Variants in LRMDA observed in about 807,000 individuals in gnomAD.
The protein encoded by LRMDA is leucine-rich melanocyte differentiation-associated protein.
Under a neutral mutation model 29.8 loss-of-function variants are expected in LRMDA, and 18 were observed. The ratio of observed to expected loss-of-function variants is 0.60; its 90% CI spans 0.42 to 0.90. The LOEUF is 0.90. Among genes scored for constraint, LRMDA ranks in the 40% least tolerant of loss-of-function variants. The pLI, the probability that LRMDA is intolerant of heterozygous loss-of-function variation, is 0.00. For missense variants in LRMDA, 273 were observed against 273.9 expected, an observed-to-expected ratio of 1.00 and a Z score of 0.02; for synonymous variants, 125 against 109.4, an observed-to-expected ratio of 1.14 and a Z score of -0.89.
Position 75,660,231 on chromosome 10 carries a change from C to T in LRMDA, c.131+221737C>T, listed in dbSNP as rs1841733984. Reference sequence around the variant, plus strand: ...CTACTCTTAACATCTTTTGATGTCCCTTCCCTGCTGACTCTATTTTTTCTT... The same window carrying T: ...CTACTCTTAACATCTTTTGATGTCCTTTCCCTGCTGACTCTATTTTTTCTT... On this transcript the variant is annotated intron_variant, in intron 2 of 6. Transcript: ENST00000611255. 2.0e-5 allele frequency among the ~76,000 whole-genome samples: 3 copies of T among 152,352 alleles called. No homozygotes were observed. In the South Asian group the frequency reaches 6.2e-4, roughly 32 times the overall value.
intron 2 of LRMDA, among the ~76,000 whole-genome samples, chr10:75,698,823 G>A (rs747195759): frequency 6.6e-6 from 1 of 152,266 alleles, no homozygotes; most frequent in East Asian, 1.9e-4. Flanking sequence ...TTTCTACAGA[G>A]GTTCCTCAAT....
intron 2 of LRMDA, among the ~76,000 whole-genome samples, chr10:75,517,116 T>C (rs1366272952): frequency 6.6e-6 from 1 of 152,124 alleles, no homozygotes; most frequent in African/African-American, 2.4e-5. Flanking sequence ...TGTAGTATAG[T>C]TTGAAGTCAG....
intron 2 of LRMDA, among the ~76,000 whole-genome samples, chr10:75,648,472 T>C (rs1022189194): frequency 6.6e-6 from 1 of 152,172 alleles, no homozygotes; most frequent in African/African-American, 2.4e-5. Context: ...GGGGCTCTTA[T>C]AGGAAATTTA....
rs11001653 is a variant in LRMDA, at chr10:76,167,356, T to C, written c.516+108573T>C. Among the ~76,000 whole-genome samples, 973 of 152,340 alleles carry C rather than the reference T, an allele frequency of 6.4e-3. 10 individuals carry two copies. Among genetic ancestry groups the C allele is most frequent in the African/African-American group, 0.022 (897 of 41,588 alleles). On this transcript the variant is annotated intron_variant, in intron 5 of 6. Coordinates refer to ENST00000611255, the MANE Select transcript of LRMDA (RefSeq NM_001305581.2). ...TTTTTGCTTTTGTTGCAATTGCTTT[T>C]GGCATCTTTGTCATGAAATCTTTGC...
intron 2 of LRMDA, among the ~76,000 whole-genome samples, chr10:75,940,830 G>A (rs1445310494): frequency 6.6e-6 from 1 of 151,900 alleles, no homozygotes; most frequent in Middle Eastern, 3.2e-3. Context: ...ATAGTCTGGG[G>A]TTTGATCTAA....
At chr10:76,340,887 T>C (rs1841033840) in intron 6 of LRMDA, among the ~76,000 whole-genome samples, 1 of 152,128 alleles carries the variant, frequency 6.6e-6, no homozygotes, top group Non-Finnish European at 1.5e-5. Context: ...TAATAAGTAT[T>C]TTAGGGATTG....
intron 2 of LRMDA, among the ~76,000 whole-genome samples, chr10:75,509,438 G>T (rs1845203078): frequency 6.6e-6 from 1 of 152,132 alleles, no homozygotes; most frequent in African/African-American, 2.4e-5. Context: ...ATATTATTTA[G>T]TCTTCTACTT....
intron 2 of LRMDA, among the ~76,000 whole-genome samples, chr10:75,456,330 C>G (rs1844517414): frequency 6.6e-6 from 1 of 152,262 alleles, no homozygotes. Flanking sequence ...CAGCAAGGCC[C>G]TGTGGGCTGG....
At chr10:76,240,909 C>A (rs575972303) in intron 5 of LRMDA, among the ~76,000 whole-genome samples, 2 of 149,532 alleles carry the variant, frequency 1.3e-5, no homozygotes, top group African/African-American at 4.9e-5. Flanking sequence ...TACACACACA[C>A]CCCATGGAAT....
intron 2 of LRMDA, among the ~76,000 whole-genome samples, chr10:75,978,287 C>A (rs1455412570): frequency 1.3e-5 from 2 of 152,310 alleles, no homozygotes; most frequent in African/African-American, 4.8e-5. Flanking sequence ...TCATGAGGAA[C>A]CCTGGTTCCC....
chr10:76,126,804 C>T (rs1849891938), intron 5 of LRMDA, among the ~76,000 whole-genome samples: 1 of 152,174 alleles, frequency 6.6e-6, no homozygotes, highest in South Asian at 2.1e-4. Flanking sequence ...CACAAGAGAG[C>T]TGTGGTTATG....
At chr10:76,419,539 G>T (rs1842052242) in intron 6 of LRMDA, among the ~76,000 whole-genome samples, 1 of 152,150 alleles carries the variant, frequency 6.6e-6, no homozygotes, top group Non-Finnish European at 1.5e-5. Flanking sequence ...TCTGTGTGCA[G>T]GTTTTTGTGT....
chr10:76,115,929 A>G (rs1033320469), intron 5 of LRMDA, among the ~76,000 whole-genome samples: 14 of 152,112 alleles, frequency 9.2e-5, no homozygotes, highest in Admixed American at 2.6e-4. Context: ...GTGGGAATGG[A>G]AACGAGGAAG....
chr10:76,390,928 G>C (rs370162191), intron 6 of LRMDA, among the ~76,000 whole-genome samples: 3 of 152,168 alleles, frequency 2.0e-5, no homozygotes, highest in African/African-American at 4.8e-5. Flanking sequence ...GTGTATTCAC[G>C]TGGAGAGAGT....
chr10:76,038,755 C>A (rs770063815), intron 3 of LRMDA, among the ~76,000 whole-genome samples: 5 of 152,166 alleles, frequency 3.3e-5, no homozygotes, highest in Non-Finnish European at 7.3e-5. Context: ...TTATTGCCAC[C>A]CCATGAAATG....
At chr10:75,824,730 A>G (rs118039136) in intron 2 of LRMDA, among the ~76,000 whole-genome samples, 181 of 152,298 alleles carry the variant, frequency 1.2e-3, no homozygotes, top group Middle Eastern at 3.4e-3. Context: ...GCCTGGAAGG[A>G]GGGACTGGAG....
intron 2 of LRMDA, among the ~76,000 whole-genome samples, chr10:76,005,108 T>C (rs1847627216): frequency 6.6e-6 from 1 of 152,194 alleles, no homozygotes; most frequent in South Asian, 2.1e-4. Context: ...GAGACAGATT[T>C]ATCCCCCTCC....
chr10:75,583,350 C>A (rs1840618101), intron 2 of LRMDA, among the ~76,000 whole-genome samples: 1 of 152,144 alleles, frequency 6.6e-6, no homozygotes, highest in African/African-American at 2.4e-5. Flanking sequence ...CAGCAGCTTC[C>A]ATTTCTGGGG....
intron 2 of LRMDA, among the ~76,000 whole-genome samples, chr10:75,827,856 C>G (rs958885089): frequency 6.6e-6 from 1 of 152,122 alleles, no homozygotes; most frequent in Non-Finnish European, 1.5e-5. Flanking sequence ...AGATGGTGAT[C>G]TTTGGTGTTC....
Sources: allele counts gnomAD v4.1 joint callset (sites outside exome capture counted in the v4.1 genomes callset), GRCh38; gene constraint gnomAD v4.1.1; transcripts MANE v1.5; gene names NCBI Gene and HGNC (gene_info 2026-07-23, HGNC 2026-07-21).